Variants in ADK observed in about 807,000 individuals in gnomAD.
ADK encodes N6,N6-dimethyladenosine kinase.
ADK carries 24 observed loss-of-function variants against 44.7 expected under a neutral mutation model. That is an observed-to-expected ratio of 0.54 (90% CI 0.39 to 0.76). The LOEUF (loss-of-function observed/expected upper bound fraction) is 0.76. Ranked by LOEUF, ADK falls within the 30% of genes least tolerant of loss-of-function variation. The pLI is 0.00. For synonymous variants in ADK, 128 were observed against 142.6 expected (o/e 0.90, Z 0.73); for missense variants, 321 against 425.1 (o/e 0.76, Z 2.15).
At chr10:74,222,239 A>G (rs1844339839) in intron 2 of ADK, among the ~76,000 whole-genome samples, 1 of 152,218 alleles carries the variant, frequency 6.6e-6, no homozygotes, top group Non-Finnish European at 1.5e-5. Context: ...ACATTTATGC[A>G]GCCAAGAAAC....
rs145093133 is a variant in ADK, at chr10:74,679,262, C to T, written c.964+8993C>T. Among the ~76,000 whole-genome samples, 120 of 152,254 alleles carry T rather than the reference C, an allele frequency of 7.9e-4. 2 individuals carry two copies. Among genetic ancestry groups the T allele is most frequent in the African/African-American group, 2.7e-3 (111 of 41,542 alleles). On this transcript the variant is annotated intron_variant, in intron 10 of 10. Coordinates refer to ENST00000539909, the MANE Select transcript of ADK (RefSeq NM_006721.4). Reference sequence around the variant, plus strand: ...TCTGTCGACTGGTACCAGTCTATGACATAAGAGTTTTCATCAGTCAGTATC... The same window carrying T: ...TCTGTCGACTGGTACCAGTCTATGATATAAGAGTTTTCATCAGTCAGTATC...
chr10:74,650,184 C>T (rs1449126272), intron 9 of ADK, among the ~76,000 whole-genome samples: 2 of 152,168 alleles, frequency 1.3e-5, no homozygotes, highest in East Asian at 3.8e-4. Context: ...CTCTGGGAGG[C>T]TGAGGCGGGC....
At chr10:74,195,572 C>T (rs961806895) in intron 1 of ADK, among the ~76,000 whole-genome samples, 9 of 152,136 alleles carry the variant, frequency 5.9e-5, no homozygotes, top group Admixed American at 5.2e-4. Flanking sequence ...CAACCTCGAC[C>T]TTCCAGGCTT....
intron 3 of ADK, among the ~76,000 whole-genome samples, chr10:74,249,739 G>T (rs1288038162): frequency 1.3e-5 from 2 of 152,280 alleles, no homozygotes; most frequent in African/African-American, 2.4e-5. Flanking sequence ...AAATAGTTGA[G>T]AAATTCAACC....
chr10:74,309,326 T>C (rs959796933), intron 3 of ADK, among the ~76,000 whole-genome samples: 2 of 151,830 alleles, frequency 1.3e-5, no homozygotes, highest in Non-Finnish European at 2.9e-5. Context: ...TAATTCTACA[T>C]ATTTCTATTT....
At position 74,670,294 on chromosome 10, in the gene ADK, T is replaced by C. The variant is rs756350497; in HGVS notation, c.964+25T>C. ...GGTACAGACTAATTTATTTCATTCT[T>C]ACTTACAAGTAAAACATTTTAACCC... is the stretch of plus-strand genomic sequence containing the variant. On this transcript the variant is annotated intron_variant, in intron 10 of 10. Transcript: ENST00000539909. 4.5e-6 allele frequency: 7 copies of C among 1,559,650 alleles called. No individual in the cohort carries two copies. The African/African-American group carries it at 9.5e-5, about 21-fold the overall frequency.
chr10:74,198,108 G>T (rs998121496), intron 1 of ADK, among the ~76,000 whole-genome samples: 1 of 151,940 alleles, frequency 6.6e-6, no homozygotes, highest in Non-Finnish European at 1.5e-5. Context: ...GCTCATCCTT[G>T]TTTTTTTGTT....
intron 6 of ADK, among the ~76,000 whole-genome samples, chr10:74,502,776 G>T (rs2133455980): frequency 6.6e-6 from 1 of 152,192 alleles, no homozygotes; most frequent in African/African-American, 2.4e-5. Flanking sequence ...GCAAGATAAT[G>T]TATTACCCCC....
chr10:74,594,492 T>C (rs1259225534), intron 8 of ADK, among the ~76,000 whole-genome samples: 1 of 151,924 alleles, frequency 6.6e-6, no homozygotes, highest in Non-Finnish European at 1.5e-5. Context: ...TTTTAAAATA[T>C]GACATATGGA....
At chr10:74,507,115 T>C (rs142214479) in intron 6 of ADK, among the ~76,000 whole-genome samples, 5 of 152,314 alleles carry the variant, frequency 3.3e-5, no homozygotes, top group African/African-American at 9.6e-5. Flanking sequence ...TTAAATTGTT[T>C]GGACTTAACA....
At chr10:74,455,981 G>T (rs1845930779) in intron 6 of ADK, among the ~76,000 whole-genome samples, 1 of 151,972 alleles carries the variant, frequency 6.6e-6, no homozygotes, top group Admixed American at 6.5e-5. Context: ...CATTGTGTCT[G>T]GGGGTTGTTC....
At chr10:74,171,810 C>CTCTGTGTGTGTGTGTG (rs1554825180) in intron 1 of ADK, among the ~76,000 whole-genome samples, 7 of 143,994 alleles carry the variant, frequency 4.9e-5, no homozygotes, top group African/African-American at 1.8e-4. Flanking sequence ...CTCTGTCTCT[C>CTCTGTGTGTGTGTGTG]TGTGTGTGTG....
chr10:74,292,181 G>A (rs1424098106), intron 3 of ADK, among the ~76,000 whole-genome samples: 3 of 152,074 alleles, frequency 2.0e-5, no homozygotes, highest in Non-Finnish European at 2.9e-5. Context: ...ACTATACCAA[G>A]AATACCAGTC....
intron 6 of ADK, among the ~76,000 whole-genome samples, chr10:74,420,369 T>G (rs1465157461): frequency 6.6e-6 from 1 of 152,196 alleles, no homozygotes. Flanking sequence ...TTTAGATCTA[T>G]GAAACTGGGC....
chr10:74,650,277 G>A (rs909092430), intron 9 of ADK, among the ~76,000 whole-genome samples: 7 of 151,930 alleles, frequency 4.6e-5, no homozygotes, highest in African/African-American at 7.3e-5. Context: ...AAAATTAGCC[G>A]GGTGTCATGG....
intron 6 of ADK, among the ~76,000 whole-genome samples, chr10:74,439,336 C>CT (rs11383205): frequency 0.61 from 92,345 of 151,892 alleles, 30,438 homozygotes; most frequent in Middle Eastern, 0.78. Context: ...CTTTTTCCTT[C>CT]CCTGTCTTAT....
chr10:74,481,202 G>T (rs1847060006), intron 6 of ADK, among the ~76,000 whole-genome samples: 1 of 152,034 alleles, frequency 6.6e-6, no homozygotes, highest in South Asian at 2.1e-4. Context: ...ACTTCTTGTG[G>T]CTTATTGAGA....
intron 4 of ADK, among the ~76,000 whole-genome samples, chr10:74,351,856 A>G (rs1190646799): frequency 6.6e-6 from 1 of 152,172 alleles, no homozygotes; most frequent in Non-Finnish European, 1.5e-5. Context: ...TACAACTTAT[A>G]AGGGATGTGA....
intron 7 of ADK, among the ~76,000 whole-genome samples, chr10:74,571,848 G>T (rs2133858670): frequency 6.6e-6 from 1 of 152,160 alleles, no homozygotes; most frequent in East Asian, 1.9e-4. Flanking sequence ...GTTTGCTCTT[G>T]CTTTTCTAGT....
Sources: gnomAD v4.1 joint callset for allele counts (sites outside exome capture counted in the v4.1 genomes callset) on GRCh38, gnomAD v4.1.1 for gene constraint, MANE v1.5 for transcripts, NCBI Gene and HGNC (gene_info 2026-07-23, HGNC 2026-07-21) for gene names.